The following SVIL variants were observed in gnomAD, a reference collection of about 807,000 sequenced individuals.
The protein encoded by SVIL is archvillin.
In SVIL, 101 loss-of-function variants were observed where a neutral mutation model predicts 240.4. That is an observed-to-expected ratio of 0.42 (90% CI 0.36 to 0.50). The LOEUF is 0.50. Among genes scored for constraint, SVIL ranks in the 20% least tolerant of loss-of-function variants. The pLI, the probability that SVIL is intolerant of heterozygous loss-of-function variation, is 0.01. For synonymous variants in SVIL, 999 were observed against 1,100.0 expected, an observed-to-expected ratio of 0.91 and a Z score of 1.82; for missense variants, 2,512 against 2,818.7, an observed-to-expected ratio of 0.89 and a Z score of 2.46.
chr10:29,512,164 CAT>C (rs1460735651), intron 17 of SVIL, among the ~76,000 whole-genome samples: 1 of 152,200 alleles, frequency 6.6e-6, no homozygotes, highest in East Asian at 1.9e-4. Context: ...AATACTTTCG[CAT>C]ATGAAATGCT....
chr10:29,472,412 A>G (rs1945690232), intron 30 of SVIL, among the ~76,000 whole-genome samples: 1 of 151,984 alleles, frequency 6.6e-6, no homozygotes, highest in Admixed American at 6.6e-5. Flanking sequence ...GTGTGGATCT[A>G]TTTCTGGCAA....
At chr10:29,478,379 C>A (rs1946436944) in intron 29 of SVIL, among the ~76,000 whole-genome samples, 1 of 152,224 alleles carries the variant, frequency 6.6e-6, no homozygotes, top group East Asian at 1.9e-4. Flanking sequence ...ATTTCCTGCA[C>A]CTACAATGTG....
chr10:29,468,852 T>C (rs1209619310), intron 32 of SVIL: 1 of 152,148 alleles, frequency 6.6e-6, no homozygotes, highest in East Asian at 1.9e-4. Flanking sequence ...TAATGTGTCA[T>C]GAAAATTACA....
intron 3 of SVIL, among the ~76,000 whole-genome samples, chr10:29,656,636 G>A (rs372681494): frequency 1.3e-5 from 2 of 152,106 alleles, no homozygotes; most frequent in Non-Finnish European, 2.9e-5. Context: ...AAATGTGGAC[G>A]CTGATTCAAC....
chr10:29,594,596 A>G (rs1229865636), intron 1 of SVIL, among the ~76,000 whole-genome samples: 1 of 146,502 alleles, frequency 6.8e-6, no homozygotes, highest in Non-Finnish European at 1.5e-5. Flanking sequence ...TCACTCTGTC[A>G]CCCAGGCTGA....
At chr10:29,492,724 G>A (rs1948088258) in intron 21 of SVIL, among the ~76,000 whole-genome samples, 1 of 152,118 alleles carries the variant, frequency 6.6e-6, no homozygotes, top group Non-Finnish European at 1.5e-5. Flanking sequence ...GAGAAAGCCC[G>A]CAGATCTATT....
intron 1 of SVIL, among the ~76,000 whole-genome samples, chr10:29,586,554 C>T (rs1266164788): frequency 1.3e-5 from 2 of 152,148 alleles, no homozygotes; most frequent in African/African-American, 2.4e-5. Context: ...ATTGTACCAC[C>T]TGACTATCTA....
chr10:29,589,977 C>T (rs551112190), intron 1 of SVIL, among the ~76,000 whole-genome samples: 2 of 151,780 alleles, frequency 1.3e-5, no homozygotes, highest in African/African-American at 2.4e-5. Context: ...ACCAGCCTGG[C>T]CAAGATGGTG....
chr10:29,556,963 T>C (rs1328325), intron 3 of SVIL, among the ~76,000 whole-genome samples: 54,341 of 151,952 alleles, frequency 0.36, 9,936 homozygotes, highest in African/African-American at 0.42. Flanking sequence ...ATTCCAAGGG[T>C]GCCTAAAAGG....
chr10:29,703,540 C>G (rs113580195), intron 1 of SVIL, among the ~76,000 whole-genome samples: 2 of 152,202 alleles, frequency 1.3e-5, no homozygotes, highest in Admixed American at 6.5e-5. Flanking sequence ...TCCAGATGCA[C>G]GCCAGCAGCC....
chr10:29,593,643 A>C (rs747161525), intron 1 of SVIL, among the ~76,000 whole-genome samples: 2 of 152,250 alleles, frequency 1.3e-5, no homozygotes, highest in African/African-American at 4.8e-5. Flanking sequence ...CCTTCTAAGT[A>C]AAAGAACTAT....
chr10:29,726,325 A>G (rs1964288397), intron 1 of SVIL, among the ~76,000 whole-genome samples: 1 of 152,224 alleles, frequency 6.6e-6, no homozygotes, highest in Non-Finnish European at 1.5e-5. Context: ...CTAGGAAGCT[A>G]CTGATACATC....
At chr10:29,643,972 G>A (rs1231677162) in intron 3 of SVIL, 7 of 518,074 alleles carry the variant, frequency 1.4e-5, no homozygotes, top group Non-Finnish European at 2.7e-5. Context: ...CCTCTCACAC[G>A]GCTGGAGCAA....
At chr10:29,684,588 AG>A (rs1417846920) in intron 2 of SVIL, among the ~76,000 whole-genome samples, 1 of 152,134 alleles carries the variant, frequency 6.6e-6, no homozygotes, top group Non-Finnish European at 1.5e-5. Flanking sequence ...TGGAGGCAAA[AG>A]TTCTTATGTA....
At chr10:29,730,276 G>A (rs1455703003) in intron 1 of SVIL, among the ~76,000 whole-genome samples, 1 of 152,212 alleles carries the variant, frequency 6.6e-6, no homozygotes, top group African/African-American at 2.4e-5. Context: ...TGAAAGTCCT[G>A]GGTGAAAAAC....
intron 1 of SVIL, among the ~76,000 whole-genome samples, chr10:29,573,845 G>A (rs1296192809): frequency 8.6e-5 from 13 of 152,018 alleles, no homozygotes; most frequent in Non-Finnish European, 1.3e-4. Context: ...ACAGGCGCGC[G>A]CCACCATGCC....
At position 29,467,769 on chromosome 10, in the gene SVIL, T is replaced by C; in HGVS notation, c.5950A>G (p.Arg1984Gly). ...GFWDALGRRD[R>G]KAYDCMLQDP... is the part of the protein sequence containing the mutation. ...TGAAGCATGCAATCGTAGGCTTTCC[T>C]GTCTCTCCTTCCTAAGGCATCCCAG... Residue 1984 changes from arginine (R) to glycine (G), a missense_variant, in exon 33 of 38, where the codon AGG becomes GGG. By Grantham distance (125) the Arg-to-Gly change is moderately radical. Transcript: ENST00000355867. 1 of 1,614,222 alleles carries C rather than the reference T, an allele frequency of 6.2e-7. No homozygotes were observed. The highest frequency in any genetic ancestry group is 8.5e-7 in the Non-Finnish European group (1 of 1,180,038).
intron 1 of SVIL, among the ~76,000 whole-genome samples, chr10:29,693,940 TATACATAC>T (rs56135685): frequency 2.0e-5 from 3 of 151,760 alleles, no homozygotes; most frequent in Non-Finnish European, 2.9e-5. Flanking sequence ...TAGATACATA[TATACATAC>T]ATACATACAT....
chr10:29,567,188 G>A (rs1392969262), intron 2 of SVIL, among the ~76,000 whole-genome samples: 6 of 151,868 alleles, frequency 4.0e-5, no homozygotes, highest in African/African-American at 1.5e-4. Context: ...TCTTTTAAAC[G>A]TGTCCCGTTA....
Sources: gnomAD v4.1 joint callset for allele counts (sites outside exome capture counted in the v4.1 genomes callset) on GRCh38, gnomAD v4.1.1 for gene constraint, MANE v1.5 for transcripts, NCBI Gene and HGNC (gene_info 2026-07-23, HGNC 2026-07-21) for gene names.